DST: variants seen among roughly 807,000 people sequenced by gnomAD.
DST encodes the protein dystonin, also known as bullous pemphigoid antigen.
DST carries 253 observed loss-of-function variants against 875.2 expected under a neutral mutation model. The ratio of observed to expected loss-of-function variants is 0.29; its 90% CI spans 0.26 to 0.32. The LOEUF is 0.32. DST is among the 10% of genes least tolerant of loss of function. The pLI, the probability that DST is intolerant of heterozygous loss-of-function variation, is 1.00. For synonymous variants in DST, 3,124 were observed against 3,197.1 expected, an observed-to-expected ratio of 0.98 and a Z score of 0.77; for missense variants, 8,287 against 9,111.6, an observed-to-expected ratio of 0.91 and a Z score of 3.68.
chr6:56,841,213 C>T (rs144608584), intron 4 of DST, among the ~76,000 whole-genome samples: 31 of 152,298 alleles, frequency 2.0e-4, no homozygotes, highest in African/African-American at 7.2e-4. Flanking sequence ...GGCTTCAAAA[C>T]ACATCGGGAA....
chr6:56,750,355 T>A (rs1218214466), intron 4 of DST, among the ~76,000 whole-genome samples: 1 of 152,186 alleles, frequency 6.6e-6, no homozygotes, highest in Non-Finnish European at 1.5e-5. Flanking sequence ...GCAAGCACCA[T>A]ACCTTAACTT....
intron 67 of DST, 144 bp from the exon 68 acceptor site, chr6:56,527,878 C>T (rs1226323008): frequency 2.3e-6 from 2 of 868,964 alleles, no homozygotes; most frequent in Admixed American, 3.4e-5. Context: ...AAGAGAAGCC[C>T]TTTTCTAAAT....
rs749976441 is a variant in DST at position 56,552,758 on chromosome 6, T to C, written c.16034A>G (p.Asp5345Gly). Reference protein sequence around the residue: ...LAQDLVVEASDSKGTSDVLLQ... With the variant: ...LAQDLVVEASGSKGTSDVLLQ... ...TAAAACATCAGAGGTTCCCTTTGAGTCTGAGGCCTCTACCACAAGGTCCTG... is the reference window on the plus strand; with the variant it reads ...TAAAACATCAGAGGTTCCCTTTGAGCCTGAGGCCTCTACCACAAGGTCCTG... The change falls in exon 61 of 104, where the codon GAC (aspartate) becomes GGC (glycine). Residue 5345 changes from aspartate to glycine, a missense_variant. Physicochemically the swap from Asp to Gly is moderately conservative, Grantham distance 94. Around this residue, in one of 10 missense-constraint regions of DST, gnomAD observed 1,513 missense variants for 1,677.8 expected, o/e 0.90. Coordinates refer to ENST00000680361, the MANE Select transcript of DST (RefSeq NM_001374736.1). 21 of 1,610,234 alleles carry C rather than the reference T, an allele frequency of 1.3e-5. No individual in the cohort carries two copies. The Middle Eastern group carries it at 4.9e-4, about 38-fold the overall frequency.
chr6:56,476,195 A>ATGACTTCT lies in DST; in HGVS notation c.21810_21817dup (p.Ile7273LysfsTer11). 6.2e-7 allele frequency: 1 copy of ATGACTTCT among 1,612,964 alleles called. No homozygotes were observed. Among genetic ancestry groups the ATGACTTCT allele is most frequent in the Non-Finnish European group, 8.5e-7 (1 of 1,179,486 alleles). On this transcript the variant is annotated frameshift_variant, in exon 92 of 104. Transcript: ENST00000680361. LOFTEE classifies it high-confidence loss of function. ...TTTCACCTCTTCGATCTCCTGGGGG[A>ATGACTTCT]TGACTTCTTTATCCTTATCAGTAAG...
At chr6:56,534,790 T>C (rs1352938107) in intron 63 of DST, among the ~76,000 whole-genome samples, 1 of 152,200 alleles carries the variant, frequency 6.6e-6, no homozygotes, top group Non-Finnish European at 1.5e-5. Flanking sequence ...CCCCGATCCC[T>C]GCTTTATTCA....
intron 4 of DST, among the ~76,000 whole-genome samples, chr6:56,812,952 C>T (rs944385011): frequency 2.0e-5 from 3 of 151,650 alleles, no homozygotes; most frequent in Admixed American, 1.3e-4. Flanking sequence ...TATTGCGGCA[C>T]TATTCACAAT....
At chr6:56,517,070 TTAAAC>T in intron 71 of DST, 123 bp downstream of exon 71, 1 of 723,508 alleles carries the variant, frequency 1.4e-6, no homozygotes, top group Non-Finnish European at 2.4e-6. Context: ...AATGCCTTAT[TTAAAC>T]TAATTATTTT....
chr6:56,612,486 A>G (rs1309535173), intron 37 of DST, among the ~76,000 whole-genome samples: 1 of 152,258 alleles, frequency 6.6e-6, no homozygotes, highest in Non-Finnish European at 1.5e-5. Flanking sequence ...CTGTTTGGGG[A>G]AAAGCAAGAG....
At chr6:56,809,663 A>G (rs2099757478) in intron 4 of DST, among the ~76,000 whole-genome samples, 1 of 152,212 alleles carries the variant, frequency 6.6e-6, no homozygotes, top group African/African-American at 2.4e-5. Flanking sequence ...CACATAGATC[A>G]TTGATAAAAT....
At chr6:56,742,569 C>T (rs898920504) in intron 4 of DST, among the ~76,000 whole-genome samples, 12 of 152,154 alleles carry the variant, frequency 7.9e-5, no homozygotes, top group Non-Finnish European at 1.5e-4. Context: ...ACCAAATTGT[C>T]TATTTCTTCT....
intron 36 of DST, chr6:56,616,219 C>G (rs139278045): frequency 1.5e-5 from 25 of 1,614,082 alleles, no homozygotes; most frequent in Non-Finnish European, 2.0e-5. Context: ...ACTTTTTGAC[C>G]AAGGCTTTGT....
chr6:56,619,654 A>C, intron 36 of DST: 1 of 1,613,832 alleles, frequency 6.2e-7, no homozygotes, highest in Non-Finnish European at 8.5e-7. Context: ...TCTTGAGATC[A>C]CTAGCTTCTT....
At chr6:56,833,268 AT>A (rs1445183383) in intron 4 of DST, among the ~76,000 whole-genome samples, 1 of 152,208 alleles carries the variant, frequency 6.6e-6, no homozygotes, top group Non-Finnish European at 1.5e-5. Context: ...ACATGTAATC[AT>A]TTACGTGAAA....
intron 27 of DST, among the ~76,000 whole-genome samples, chr6:56,633,305 C>T (rs1587286672): frequency 2.0e-5 from 3 of 147,648 alleles, no homozygotes; most frequent in Admixed American, 2.0e-4. Context: ...CGGCTCACTG[C>T]AAGCTCCGCC....
chr6:56,892,592 C>T (rs1289546379), intron 3 of DST, among the ~76,000 whole-genome samples: 1 of 152,162 alleles, frequency 6.6e-6, no homozygotes, highest in Non-Finnish European at 1.5e-5. Context: ...TCCCAAAGTA[C>T]TGGGATTCCA....
At chr6:56,853,861 G>C (rs1313981348) in intron 3 of DST, among the ~76,000 whole-genome samples, 2 of 152,026 alleles carry the variant, frequency 1.3e-5, no homozygotes, top group African/African-American at 4.8e-5. Context: ...GAGAGAAAAA[G>C]AGGAAAAGAC....
rs537117198 is a variant in DST, at chr6:56,779,409, T to G, written c.626-44120A>C. 1.1e-4 allele frequency among the ~76,000 whole-genome samples: 16 copies of G among 152,230 alleles called. No homozygotes were observed. The East Asian group carries it at 3.1e-3, about 29-fold the overall frequency. On this transcript the variant is annotated intron_variant, in intron 4 of 103. Transcript: ENST00000680361. ...TTTAAATAGATCCCATTTGTCAATT[T>G]TGGCTTTTGTTGCCATTGCTTTTGG...
rs779359385 is a variant in DST at position 56,616,351 on chromosome 6, C to T, written c.4930-1867G>A. ...ACATAGCTTCCTTCCACTGATATTG[C>T]TGCCCTGAAAGTTCAAGATATATAC... is the stretch of plus-strand genomic sequence containing the variant. On this transcript the variant is annotated intron_variant, in intron 36 of 103. Transcript: ENST00000680361. 14 of 1,613,550 alleles carry T rather than the reference C, an allele frequency of 8.7e-6. No individual in the cohort carries two copies. The highest frequency in any genetic ancestry group is 3.3e-4 in the Middle Eastern group (2 of 6,084).
intron 4 of DST, among the ~76,000 whole-genome samples, chr6:56,849,057 A>T (rs1219198890): frequency 2.0e-5 from 3 of 151,972 alleles, no homozygotes; most frequent in Non-Finnish European, 4.4e-5. Flanking sequence ...TAAATTAATT[A>T]AATTAAATTA....
Sources: allele counts gnomAD v4.1 joint callset (sites outside exome capture counted in the v4.1 genomes callset), GRCh38; gene constraint gnomAD v4.1.1; regional missense constraint gnomAD v4.1.1; transcripts MANE v1.5; gene names NCBI Gene and HGNC (gene_info 2026-07-23, HGNC 2026-07-21).